Variants in ITFG1 observed in about 807,000 individuals in gnomAD.
ITFG1 encodes the protein integrin alpha FG-GAP repeat containing 1.
ITFG1 carries 34 observed loss-of-function variants against 81.8 expected under a neutral mutation model. The observed-to-expected ratio is 0.42, with a 90% CI of 0.32 to 0.55. The LOEUF (loss-of-function observed/expected upper bound fraction) is 0.55. Among genes scored for constraint, ITFG1 ranks in the 20% least tolerant of loss-of-function variants. The pLI is 0.17. For missense variants in ITFG1, 672 were observed against 755.4 expected (o/e 0.89, Z 1.29); for synonymous variants, 285 against 270.6 (o/e 1.05, Z -0.52).
intron 14 of ITFG1, among the ~76,000 whole-genome samples, chr16:47,165,405 A>G (rs1964876655): frequency 1.3e-5 from 2 of 152,286 alleles, no homozygotes; most frequent in African/African-American, 4.8e-5. Flanking sequence ...GAAACTGGAA[A>G]ACAGTATAGT....
At chr16:47,361,161 C>T (rs1355027187) in intron 8 of ITFG1, among the ~76,000 whole-genome samples, 2 of 151,988 alleles carry the variant, frequency 1.3e-5, no homozygotes, top group Non-Finnish European at 2.9e-5. Context: ...CAGTATTCTC[C>T]CTTTACTTGA....
At chr16:47,304,144 G>C (rs558108714) in intron 10 of ITFG1, among the ~76,000 whole-genome samples, 12 of 152,140 alleles carry the variant, frequency 7.9e-5, no homozygotes, top group Non-Finnish European at 1.3e-4. Flanking sequence ...AGTTCTTTCC[G>C]TATCAATAAT....
At position 47,313,781 on chromosome 16, in the gene ITFG1, T is replaced by A; in HGVS notation, c.845A>T (p.Asp282Val). Residue 282 changes from aspartate (D) to valine (V), a missense_variant, in exon 9 of 18, where the codon GAT (aspartate) becomes GTT (valine). Transcript: ENST00000320640. The part of the protein sequence containing the change: ...HMDHLLPGCE[D>V]KNCQKSTIYL... The stretch of plus-strand genomic sequence containing the variant: ...GATGGTACTCTTTTGGCAATTTTTA[T>A]CTTCACAGCCTGGCAGTAAATGATC... The A allele has an allele frequency of 4.3e-6, 7 of 1,610,006 alleles. No individual in the cohort carries two copies. Among genetic ancestry groups the A allele is most frequent in the Non-Finnish European group, 5.1e-6 (6 of 1,177,688 alleles).
chr16:47,302,116 A>G (rs1054112594), intron 10 of ITFG1, among the ~76,000 whole-genome samples: 4 of 152,252 alleles, frequency 2.6e-5, no homozygotes, highest in East Asian at 1.9e-4. Context: ...AAGAAGCACA[A>G]GAAAAAATAA....
intron 14 of ITFG1, among the ~76,000 whole-genome samples, chr16:47,166,203 G>GGTCT (rs1429691518): frequency 6.6e-6 from 1 of 152,018 alleles, no homozygotes; most frequent in Admixed American, 6.6e-5. Context: ...ATAAAACCTT[G>GGTCT]GTCTCCACAA....
intron 8 of ITFG1, among the ~76,000 whole-genome samples, chr16:47,321,599 G>A (rs922989696): frequency 1.3e-5 from 2 of 152,142 alleles, no homozygotes; most frequent in Non-Finnish European, 1.5e-5. Flanking sequence ...CAAAGCAGGA[G>A]GACTACTTGA....
At chr16:47,293,815 T>C (rs1407796322) in intron 10 of ITFG1, among the ~76,000 whole-genome samples, 1 of 152,148 alleles carries the variant, frequency 6.6e-6, no homozygotes, top group African/African-American at 2.4e-5. Flanking sequence ...TTTTGCCAGC[T>C]GGTCTGTTCA....
At chr16:47,210,222 T>A (rs571442510) in intron 14 of ITFG1, among the ~76,000 whole-genome samples, 7 of 152,338 alleles carry the variant, frequency 4.6e-5, no homozygotes, top group Admixed American at 3.9e-4. Flanking sequence ...GTTGTCACTT[T>A]ATTTTTTTAG....
chr16:47,293,115 C>A (rs113127408), intron 10 of ITFG1, among the ~76,000 whole-genome samples: 3 of 145,262 alleles, frequency 2.1e-5, no homozygotes, highest in African/African-American at 7.6e-5. Context: ...TGATATATAT[C>A]ATATACAAGC....
intron 14 of ITFG1, among the ~76,000 whole-genome samples, chr16:47,192,745 A>G (rs1047186250): frequency 1.3e-5 from 2 of 152,202 alleles, no homozygotes; most frequent in Non-Finnish European, 2.9e-5. Flanking sequence ...GGAGAGCAGT[A>G]ACTCTGGAAG....
intron 8 of ITFG1, among the ~76,000 whole-genome samples, chr16:47,343,228 C>T (rs751410975): frequency 2.6e-5 from 4 of 152,106 alleles, no homozygotes; most frequent in Non-Finnish European, 5.9e-5. Flanking sequence ...AGTCCACTTA[C>T]TGGAGAAAGA....
chr16:47,189,239 C>T (rs1409988632), intron 14 of ITFG1, among the ~76,000 whole-genome samples: 2 of 152,160 alleles, frequency 1.3e-5, no homozygotes, highest in Non-Finnish European at 2.9e-5. Flanking sequence ...TACCACAAAA[C>T]CCACCAGTTT....
rs555612729 is a variant in ITFG1 at position 47,203,612 on chromosome 16, G to A, written c.1453+15256C>T. On this transcript the variant is annotated intron_variant, in intron 14 of 17. Transcript: ENST00000320640. ...CCTTACACGAACAGTTCACAATAGG[G>A]TTCATGGTCCTGTGAGAATCTAATG... 7.2e-5 allele frequency among the ~76,000 whole-genome samples: 11 copies of A among 152,278 alleles called. 1 individual carries two copies. The East Asian group carries it at 1.4e-3, about 19-fold the overall frequency.
At chr16:47,188,941 T>A (rs1965259822) in intron 14 of ITFG1, among the ~76,000 whole-genome samples, 1 of 152,118 alleles carries the variant, frequency 6.6e-6, no homozygotes. Context: ...ATTTTTGTAT[T>A]TTTAGTAGAG....
rs547696336 is a variant in ITFG1 at position 47,158,927 on chromosome 16, G to A, written c.1725C>T (p.Ile575=). The change falls in exon 17 of 18, where the codon ATC becomes ATT. Residue 575 remains isoleucine (I), a synonymous_variant. Transcript: ENST00000320640. ...NIVLLTAIAL[I]GVCVFILAII... is the part of the protein sequence containing the mutation. The stretch of plus-strand genomic sequence containing the variant: ...TTGCCAAGATGAAAACACAGACACC[G>A]ATGAGAGCTATAGCAGTAAGCAGAA... The A allele has an allele frequency of 6.9e-5, 111 of 1,605,192 alleles. No homozygotes were observed. Among genetic ancestry groups the A allele is most frequent in the African/African-American group, 1.5e-4 (11 of 74,624 alleles).
chr16:47,155,828 A>G, intron 17 of ITFG1, 50 bp from the exon 18 acceptor site: 1 of 1,345,292 alleles, frequency 7.4e-7, no homozygotes, highest in Non-Finnish European at 1.1e-6. Flanking sequence ...GATGTTATGA[A>G]AAGACTCATT....
At chr16:47,203,113 G>A (rs1965447395) in intron 14 of ITFG1, among the ~76,000 whole-genome samples, 1 of 152,154 alleles carries the variant, frequency 6.6e-6, no homozygotes, top group African/African-American at 2.4e-5. Flanking sequence ...CATGAACTGG[G>A]GGAGTGAATA....
At chr16:47,211,762 C>T (rs911801333) in intron 14 of ITFG1, among the ~76,000 whole-genome samples, 1 of 152,002 alleles carries the variant, frequency 6.6e-6, no homozygotes, top group African/African-American at 2.4e-5. Flanking sequence ...GTTAATATGA[C>T]CATGTGGTTT....
intron 10 of ITFG1, among the ~76,000 whole-genome samples, chr16:47,272,917 A>G (rs1966358624): frequency 6.9e-6 from 1 of 145,096 alleles, no homozygotes; most frequent in Non-Finnish European, 1.5e-5. Context: ...CTAGTATGCA[A>G]TTTTTTTGAG....
Sources: allele counts gnomAD v4.1 joint callset (sites outside exome capture counted in the v4.1 genomes callset), GRCh38; gene constraint gnomAD v4.1.1; transcripts MANE v1.5; gene names NCBI Gene and HGNC (gene_info 2026-07-23, HGNC 2026-07-21).